Variants in LRP1B observed in about 807,000 individuals in gnomAD.
The protein encoded by LRP1B is low-density lipoprotein receptor-related protein 1B.
Under a neutral mutation model 556.6 loss-of-function variants are expected in LRP1B, and 217 were observed. The ratio of observed to expected loss-of-function variants is 0.39; its 90% CI spans 0.35 to 0.44. LRP1B has a LOEUF of 0.44. Among genes scored for constraint, LRP1B ranks in the 20% least tolerant of loss-of-function variants. LRP1B has a pLI of 1.00. For missense variants in LRP1B, 5,053 were observed against 5,620.8 expected, an observed-to-expected ratio of 0.90 and a Z score of 3.23; for synonymous variants, 2,047 against 1,865.8, an observed-to-expected ratio of 1.10 and a Z score of -2.50.
intron 3 of LRP1B, among the ~76,000 whole-genome samples, chr2:141,438,127 G>A (rs1479989526): frequency 2.0e-5 from 3 of 151,992 alleles, no homozygotes; most frequent in African/African-American, 7.2e-5. Flanking sequence ...AATGAGCTAG[G>A]CATCTTCTTT....
chr2:141,853,462 G>T (rs1478812400), intron 1 of LRP1B, among the ~76,000 whole-genome samples: 1 of 151,452 alleles, frequency 6.6e-6, no homozygotes, highest in East Asian at 1.9e-4. Context: ...TTCAAGTACT[G>T]CACTCTACAA....
intron 66 of LRP1B, among the ~76,000 whole-genome samples, chr2:140,407,492 A>G (rs920741659): frequency 1.3e-5 from 2 of 152,050 alleles, no homozygotes; most frequent in African/African-American, 4.8e-5. Context: ...GAAAAGGACA[A>G]ATAATCCCAT....
At chr2:140,471,913 A>C (rs180730636) in intron 60 of LRP1B, among the ~76,000 whole-genome samples, 2 of 152,236 alleles carry the variant, frequency 1.3e-5, no homozygotes, top group African/African-American at 4.8e-5. Flanking sequence ...TCAAGACTCT[A>C]TTACATCTTT....
intron 1 of LRP1B, among the ~76,000 whole-genome samples, chr2:142,073,378 C>A (rs1212035624): frequency 6.6e-6 from 1 of 152,064 alleles, no homozygotes; most frequent in East Asian, 1.9e-4. Flanking sequence ...CTAATACTAC[C>A]TTTCATACAG....
intron 3 of LRP1B, among the ~76,000 whole-genome samples, chr2:141,407,183 A>G (rs571379932): frequency 2.0e-5 from 3 of 152,214 alleles, no homozygotes; most frequent in African/African-American, 7.2e-5. Flanking sequence ...AATATATTCT[A>G]TACATTTTGA....
At chr2:141,924,277 G>C (rs1357030673) in intron 1 of LRP1B, among the ~76,000 whole-genome samples, 1 of 151,936 alleles carries the variant, frequency 6.6e-6, no homozygotes, top group Non-Finnish European at 1.5e-5. Context: ...GCTGGGAGTG[G>C]TCAAGGAGGA....
chr2:140,951,450 T>C (rs1010148971), intron 19 of LRP1B, among the ~76,000 whole-genome samples: 3 of 152,068 alleles, frequency 2.0e-5, no homozygotes, highest in African/African-American at 7.2e-5. Flanking sequence ...GAGAATAAAA[T>C]ACCATTTGAA....
intron 66 of LRP1B, among the ~76,000 whole-genome samples, chr2:140,395,164 T>G (rs1303534739): frequency 2.0e-5 from 3 of 152,246 alleles, no homozygotes. Context: ...GTAATGTTGT[T>G]ATCTGTATGT....
intron 7 of LRP1B, among the ~76,000 whole-genome samples, chr2:141,119,937 C>T (rs1194023366): frequency 4.6e-5 from 7 of 151,762 alleles, no homozygotes; most frequent in African/African-American, 1.5e-4. Context: ...ATGTTGTATT[C>T]TAGCAAATGA....
At chr2:140,499,483 A>G (rs1289305173) in intron 55 of LRP1B, among the ~76,000 whole-genome samples, 1 of 151,764 alleles carries the variant, frequency 6.6e-6, no homozygotes, top group African/African-American at 2.4e-5. Context: ...AGTTAATGAC[A>G]GGGATATGTT....
intron 15 of LRP1B, 114 bp downstream of exon 15, chr2:141,005,217 CTAAA>C: frequency 3.6e-6 from 4 of 1,113,132 alleles, no homozygotes; most frequent in Non-Finnish European, 5.0e-6. Flanking sequence ...AGAATTATAT[CTAAA>C]TAATTATCTG....
intron 2 of LRP1B, among the ~76,000 whole-genome samples, chr2:141,517,029 A>ACC (rs1553526097): frequency 1.1e-5 from 1 of 90,192 alleles, no homozygotes; most frequent in Non-Finnish European, 2.1e-5. Flanking sequence ...AAAAAAAAAA[A>ACC]AAAGTAAATC....
chr2:140,696,490 T>C (rs1353598785), intron 41 of LRP1B, among the ~76,000 whole-genome samples: 1 of 152,196 alleles, frequency 6.6e-6, no homozygotes, highest in East Asian at 1.9e-4. Flanking sequence ...TATTTCTGAT[T>C]GTCTAACTAC....
chr2:141,194,394 A>G (rs1273025718), intron 6 of LRP1B, among the ~76,000 whole-genome samples: 1 of 152,092 alleles, frequency 6.6e-6, no homozygotes, highest in Admixed American at 6.6e-5. Context: ...AAATTTATTA[A>G]TCAGGACTGT....
At chr2:142,042,778 C>G (rs886430461) in intron 1 of LRP1B, among the ~76,000 whole-genome samples, 1 of 151,558 alleles carries the variant, frequency 6.6e-6, no homozygotes, top group Admixed American at 6.6e-5. Flanking sequence ...GGGAATTTAT[C>G]CAGGGATAGA....
At chr2:141,186,218 A>G (rs2105187056) in intron 7 of LRP1B, among the ~76,000 whole-genome samples, 1 of 152,100 alleles carries the variant, frequency 6.6e-6, no homozygotes. Flanking sequence ...GATTATTAAT[A>G]CATTCTGATA....
In LRP1B at chr2:141,977,956, G is replaced by A. The variant is rs374299808; in HGVS notation, c.82+152692C>T. ...TATATTATGTAAGAGAACTACTTAC[G>A]AAGTATGACTTTTCCATATTGTAAC... On this transcript the variant is annotated intron_variant, in intron 1 of 90. Transcript: ENST00000389484. Among the ~76,000 whole-genome samples, 12 of 152,090 alleles carry A rather than the reference G, an allele frequency of 7.9e-5. No individual in the cohort carries two copies. The East Asian group carries it at 1.4e-3, about 17-fold the overall frequency.
chr2:140,438,191 G>A (rs6732209), intron 66 of LRP1B, among the ~76,000 whole-genome samples: 21,106 of 152,014 alleles, frequency 0.14, 1,598 homozygotes, highest in East Asian at 0.25. Context: ...TTTTTGTAGA[G>A]ATGGGATCTC....
At chr2:141,023,459 A>C (rs1233361325) in intron 11 of LRP1B, among the ~76,000 whole-genome samples, 2 of 151,960 alleles carry the variant, frequency 1.3e-5, no homozygotes, top group African/African-American at 4.8e-5. Context: ...AAAAGAATAA[A>C]TAGGACTGTT....
Sources: allele counts gnomAD v4.1 joint callset (sites outside exome capture counted in the v4.1 genomes callset), GRCh38; gene constraint gnomAD v4.1.1; transcripts MANE v1.5; gene names NCBI Gene and HGNC (gene_info 2026-07-23, HGNC 2026-07-21).